Variants in KDM4C observed in about 807,000 individuals in gnomAD.
KDM4C encodes lysine-specific demethylase 4C.
KDM4C carries 81 observed loss-of-function variants against 129.3 expected under a neutral mutation model. The observed-to-expected ratio is 0.63, with a 90% CI of 0.52 to 0.75. The LOEUF (loss-of-function observed/expected upper bound fraction) is 0.75. Among genes scored for constraint, KDM4C ranks in the 30% least tolerant of loss-of-function variants. The pLI is 0.00. For missense variants in KDM4C, 1,457 were observed against 1,304.0 expected (o/e 1.12, Z -1.81); for synonymous variants, 573 against 456.1 (o/e 1.26, Z -3.26).
At chr9:6,757,493 TG>T, upstream of KDM4C, 1 of 373,426 alleles carries the variant, frequency 2.7e-6, no homozygotes, top group Non-Finnish European at 3.7e-6. Flanking sequence ...GGAGGCTCAG[TG>T]GTCCCGGCCA....
At chr9:6,854,828 G>C (rs1839513037) in intron 5 of KDM4C, among the ~76,000 whole-genome samples, 1 of 152,162 alleles carries the variant, frequency 6.6e-6, no homozygotes, top group Non-Finnish European at 1.5e-5. Flanking sequence ...TCAGTGTTGT[G>C]TAGTACTTAC....
At chr9:6,863,079 ATC>A (rs1841258190) in intron 5 of KDM4C, among the ~76,000 whole-genome samples, 1 of 152,204 alleles carries the variant, frequency 6.6e-6, no homozygotes, top group African/African-American at 2.4e-5. Flanking sequence ...TAACTGGGAT[ATC>A]TGTTACCTTA....
chr9:7,123,810 G>A (rs1178337007), intron 18 of KDM4C, among the ~76,000 whole-genome samples: 6 of 152,086 alleles, frequency 3.9e-5, no homozygotes, highest in Admixed American at 2.0e-4. Context: ...GAGTAGAGTC[G>A]GAGGCTACTG....
intron 17 of KDM4C, among the ~76,000 whole-genome samples, chr9:7,089,509 A>G (rs1393893587): frequency 6.6e-6 from 1 of 152,214 alleles, no homozygotes; most frequent in African/African-American, 2.4e-5. Context: ...ATACATTTTA[A>G]TGAGTCTTTG....
At chr9:6,851,814 C>G (rs1838895363) in intron 5 of KDM4C, among the ~76,000 whole-genome samples, 1 of 152,140 alleles carries the variant, frequency 6.6e-6, no homozygotes, top group African/African-American at 2.4e-5. Flanking sequence ...AAGATGGATT[C>G]TGGTGTCTTG....
intron 18 of KDM4C, 68 bp downstream of exon 18, chr9:7,103,938 C>G (rs145204166): frequency 7.3e-7 from 1 of 1,376,770 alleles, no homozygotes; most frequent in East Asian, 2.3e-5. Flanking sequence ...TAGACTACCT[C>G]CCAGACATAA....
chr9:6,976,000 T>C (rs1832851540), intron 8 of KDM4C, among the ~76,000 whole-genome samples: 1 of 152,264 alleles, frequency 6.6e-6, no homozygotes, highest in African/African-American at 2.4e-5. Flanking sequence ...ATTGCGCCAC[T>C]GTACTCCAGC....
At chr9:7,098,973 C>G (rs1402825694) in intron 17 of KDM4C, among the ~76,000 whole-genome samples, 1 of 151,822 alleles carries the variant, frequency 6.6e-6, no homozygotes, top group South Asian at 2.1e-4. Flanking sequence ...AGCCTCGATC[C>G]TCTGACTTGC....
chr9:6,945,747 T>G (rs1826847232), intron 8 of KDM4C, among the ~76,000 whole-genome samples: 1 of 152,148 alleles, frequency 6.6e-6, no homozygotes, highest in African/African-American at 2.4e-5. Flanking sequence ...CTAAGGTACT[T>G]ATTAATATTT....
intron 8 of KDM4C, among the ~76,000 whole-genome samples, chr9:6,950,261 C>G (rs1327877763): frequency 1.3e-5 from 2 of 152,038 alleles, no homozygotes; most frequent in African/African-American, 4.8e-5. Flanking sequence ...GTGAACTATT[C>G]TTTCTATAGT....
chr9:6,980,558 A>T (rs371125450), intron 8 of KDM4C, among the ~76,000 whole-genome samples: 1 of 152,142 alleles, frequency 6.6e-6, no homozygotes, highest in East Asian at 1.9e-4. Context: ...TTTGTTGACA[A>T]CCCAGGTTTT....
chr9:6,856,552 G>GTGTA (rs1328506452), intron 5 of KDM4C, among the ~76,000 whole-genome samples: 1 of 137,136 alleles, frequency 7.3e-6, no homozygotes, highest in Non-Finnish European at 1.6e-5. Context: ...GTGTGTGTGT[G>GTGTA]TGTGTGTGTG....
At chr9:6,884,823 C>T (rs1006386533) in intron 6 of KDM4C, among the ~76,000 whole-genome samples, 2 of 152,128 alleles carry the variant, frequency 1.3e-5, no homozygotes. Flanking sequence ...GTATTTGAAT[C>T]ATAAAAGATT....
At chr9:6,979,446 A>G (rs1023684239) in intron 8 of KDM4C, among the ~76,000 whole-genome samples, 2 of 152,160 alleles carry the variant, frequency 1.3e-5, no homozygotes, top group Non-Finnish European at 2.9e-5. Context: ...CATAAGGGGC[A>G]TTTGGGCTCC....
intron 12 of KDM4C, among the ~76,000 whole-genome samples, chr9:6,996,324 T>C (rs1819743015): frequency 6.6e-6 from 1 of 152,248 alleles, no homozygotes; most frequent in African/African-American, 2.4e-5. Context: ...TCTGAACATG[T>C]GCTTTATCAC....
chr9:7,127,274 T>C (rs1840123490), intron 18 of KDM4C, among the ~76,000 whole-genome samples: 1 of 152,206 alleles, frequency 6.6e-6, no homozygotes, highest in South Asian at 2.1e-4. Context: ...CTTTCACAGA[T>C]TGCTTTAGTA....
intron 18 of KDM4C, among the ~76,000 whole-genome samples, chr9:7,112,294 G>A (rs1838414187): frequency 6.6e-6 from 1 of 152,246 alleles, no homozygotes; most frequent in Non-Finnish European, 1.5e-5. Flanking sequence ...TCCCATGCGA[G>A]GTTTATGTGT....
chr9:7,094,153 G>T (rs150681616), intron 17 of KDM4C, among the ~76,000 whole-genome samples: 221 of 152,280 alleles, frequency 1.5e-3, no homozygotes, highest in Non-Finnish European at 2.6e-3. Context: ...ATAGATCACT[G>T]CAGAAATATT....
At chr9:6,904,426 G>A (rs1233206163) in intron 8 of KDM4C, among the ~76,000 whole-genome samples, 2 of 150,000 alleles carry the variant, frequency 1.3e-5, no homozygotes, top group African/African-American at 2.5e-5. Context: ...TTTTTTTGAG[G>A]GGCATCACAG....
Sources: gnomAD v4.1 joint callset for allele counts (sites outside exome capture counted in the v4.1 genomes callset) on GRCh38, gnomAD v4.1.1 for gene constraint, MANE v1.5 for transcripts, NCBI Gene and HGNC (gene_info 2026-07-23, HGNC 2026-07-21) for gene names.